The following RUSC2 variants were observed in gnomAD, a reference collection of about 807,000 sequenced individuals.
RUSC2 encodes AP-4 complex accessory subunit RUSC2.
In RUSC2, 34 loss-of-function variants were observed where a neutral mutation model predicts 122.2. The observed-to-expected ratio is 0.28, with a 90% CI of 0.21 to 0.37. The LOEUF is 0.37. RUSC2 is among the 10% of genes least tolerant of loss of function. The probability of loss-of-function intolerance (pLI) is 1.00; values close to 1 mark genes in which losing one functional copy is unlikely to be tolerated. For missense variants in RUSC2, 1,747 were observed against 1,952.4 expected (o/e 0.89, Z 1.98); for synonymous variants, 784 against 790.0 (o/e 0.99, Z 0.13).
chr9:35,513,188 G>GC (rs1821040175), intron 1 of RUSC2, among the ~76,000 whole-genome samples: 1 of 136,326 alleles, frequency 7.3e-6, no homozygotes, highest in Non-Finnish European at 1.6e-5. Flanking sequence ...ATTATACTTT[G>GC]TTTTGTTGTT....
chr9:35,561,830 G>GTC lies in RUSC2; in HGVS notation c.*450_*451dup, dbSNP rs1304451383. On this transcript the variant is annotated 3_prime_UTR_variant, in exon 12 of 12. Coordinates refer to ENST00000361226, the MANE Select transcript of RUSC2 (RefSeq NM_014806.5). Reference sequence around the variant, plus strand: ...CAGAAGAGGGAGGAGGAGCCCAGGCGTCTGTTTATGTATTTATTTATTTAT... The same window carrying GTC: ...CAGAAGAGGGAGGAGGAGCCCAGGCGTCTCTGTTTATGTATTTATTTATTTAT... 2 of 600,634 alleles carry GTC rather than the reference G, an allele frequency of 3.3e-6. No individual in the cohort carries two copies. The highest frequency in any genetic ancestry group is 5.9e-6 in the Non-Finnish European group (2 of 341,086). 37.2% of individuals were successfully genotyped at this position (600,634 alleles called of 1,614,324 possible). A position where few individuals can be genotyped will look rare whatever the true frequency, so the allele number is the denominator to read the frequency against.
At position 35,546,661 on chromosome 9, in the gene RUSC2, C is replaced by T. The variant is rs1280955193; in HGVS notation, c.140C>T (p.Pro47Leu). The T allele has an allele frequency of 1.3e-6, 2 of 1,571,932 alleles. No individual in the cohort carries two copies. Among genetic ancestry groups the T allele is most frequent in the East Asian group, 2.3e-5 (1 of 44,442 alleles). Residue 47 changes from proline (P) to leucine (L), a missense_variant, in exon 2 of 12, where the codon CCA becomes CTA. Physicochemically the swap from Pro to Leu is moderately conservative, Grantham distance 98. Transcript: ENST00000361226. This position sits in a 1 kb window ranked among gnomAD's most constrained non-coding sequence, Gnocchi z 4.3. ...GGSTRPNPFC[P>L]PELGITQPDQ... Reference sequence around the variant, plus strand: ...AGCACAAGACCTAATCCCTTCTGCCCACCTGAGCTGGGCATCACCCAGCCC... The same window carrying T: ...AGCACAAGACCTAATCCCTTCTGCCTACCTGAGCTGGGCATCACCCAGCCC...
At position 35,495,458 on chromosome 9, in the gene RUSC2, T is replaced by G. The variant is rs570009244; in HGVS notation, c.-93+5286T>G. Among the ~76,000 whole-genome samples the G allele has an allele frequency of 1.6e-3, 247 of 151,364 alleles. 1 individual carries two copies. Among genetic ancestry groups the G allele is most frequent in the Non-Finnish European group, 2.7e-3 (183 of 67,866 alleles). On this transcript the variant is annotated intron_variant, in intron 1 of 11. Coordinates refer to ENST00000361226, the MANE Select transcript of RUSC2 (RefSeq NM_014806.5). ...CCCCACTGAATGGTATTCACACCCT[T>G]GTCAAAACTCATCTGACCAGATATG...
At chr9:35,507,026 A>C (rs1165784661) in intron 1 of RUSC2, among the ~76,000 whole-genome samples, 1 of 152,074 alleles carries the variant, frequency 6.6e-6, no homozygotes, top group African/African-American at 2.4e-5. Flanking sequence ...GCGAGGTGGG[A>C]GGATCATTTG....
At position 35,556,191 on chromosome 9, in the gene RUSC2, A is replaced by G. The variant is rs1156938964; in HGVS notation, c.2842+54A>G. 11 of 1,603,116 alleles carry G rather than the reference A, an allele frequency of 6.9e-6. No homozygotes were observed. In the East Asian group the frequency reaches 2.5e-4, roughly 36 times the overall value. On this transcript the variant is annotated intron_variant, in intron 4 of 11. Coordinates refer to ENST00000361226, the MANE Select transcript of RUSC2 (RefSeq NM_014806.5). ...GGGGCAGGCTCTGCCATGGCTGGAA[A>G]GGGCTAGAGAAGGGGTCAGTCCCAA... is the stretch of plus-strand genomic sequence containing the variant.
At chr9:35,503,714 C>CCCAATAGCAT (rs1820861008) in intron 1 of RUSC2, among the ~76,000 whole-genome samples, 1 of 151,576 alleles carries the variant, frequency 6.6e-6, no homozygotes, top group Non-Finnish European at 1.5e-5. Flanking sequence ...AGTTTACATT[C>CCCAATAGCAT]CCAATAGCAG....
intron 1 of RUSC2, among the ~76,000 whole-genome samples, chr9:35,517,184 G>A (rs1273556566): frequency 1.3e-5 from 2 of 152,180 alleles, no homozygotes; most frequent in Non-Finnish European, 2.9e-5. Context: ...GGCTGCAGGA[G>A]GTTTGAACAT....
In RUSC2 at chr9:35,560,300, G is replaced by T. The variant is rs1263149617; in HGVS notation, c.3660G>T (p.Val1220=). 7 of 1,598,758 alleles carry T rather than the reference G, an allele frequency of 4.4e-6. No homozygotes were observed. Among genetic ancestry groups the T allele is most frequent in the Non-Finnish European group, 5.1e-6 (6 of 1,171,908 alleles). The change falls in exon 10 of 12, where the codon GTG becomes GTT. Residue 1220 remains valine, a synonymous_variant. Transcript: ENST00000361226. ...GGGGCCAGGAGGGCCCTGGAGACGT[G>T]GACAGGGCAGCCCAAGGGGAGCGGG... ...RARGQEGPGD[V]DRAAQGERVK...
rs1344835102 is a variant in RUSC2 at position 35,535,516 on chromosome 9, T to C, written c.-92-10914T>C. On this transcript the variant is annotated intron_variant, in intron 1 of 11. Transcript: ENST00000361226. ...AGTCTACCCACCACTTATTCTGATT[T>C]ACACACAAGGAGCTTCTCTTTTTTT... is the stretch of plus-strand genomic sequence containing the variant. 2.0e-5 allele frequency among the ~76,000 whole-genome samples: 3 copies of C among 151,330 alleles called. No individual in the cohort carries two copies. In the East Asian group the frequency reaches 5.8e-4, roughly 29 times the overall value.
intron 1 of RUSC2, among the ~76,000 whole-genome samples, chr9:35,492,975 T>C (rs560969909): frequency 6.6e-6 from 1 of 152,182 alleles, no homozygotes; most frequent in African/African-American, 2.4e-5. Context: ...ATGCCTTTTT[T>C]TGTTTTTTGG....
Position 35,547,488 on chromosome 9 carries a change from G to A in RUSC2, c.967G>A (p.Asp323Asn), listed in dbSNP as rs960277670. The stretch of plus-strand genomic sequence containing the variant: ...CTCAGACCCTGGCGCCTTCTATCTG[G>A]ATCTGCAGCCCTCCCCATTTGAGTC... ...SHSDPGAFYL[D>N]LQPSPFESKM... The change falls in exon 2 of 12, where the codon GAT becomes AAT. Residue 323 changes from aspartate (D) to asparagine (N), a missense_variant. Coordinates refer to ENST00000361226, the MANE Select transcript of RUSC2 (RefSeq NM_014806.5). This position sits in a 1 kb window ranked among gnomAD's most constrained non-coding sequence, Gnocchi z 4.6. The A allele has an allele frequency of 1.9e-6, 3 of 1,614,168 alleles. No individual in the cohort carries two copies. Among genetic ancestry groups the A allele is most frequent in the Admixed American group, 1.7e-5 (1 of 60,024 alleles).
In RUSC2 at chr9:35,547,414, A is replaced by G. The variant is rs759051098; in HGVS notation, c.893A>G (p.Asn298Ser). The G allele has an allele frequency of 5.6e-6, 9 of 1,614,040 alleles. No individual in the cohort carries two copies. The East Asian group carries it at 6.7e-5, about 12-fold the overall frequency. Reference protein sequence around the residue: ...YNKMHGTPRANLNSAPQSCSD... With the variant: ...YNKMHGTPRASLNSAPQSCSD... ...AAGATGCATGGCACCCCCCGTGCCAATCTCAACTCTGCCCCACAGTCCTGC... is the reference window on the plus strand; with the variant it reads ...AAGATGCATGGCACCCCCCGTGCCAGTCTCAACTCTGCCCCACAGTCCTGC... Residue 298 changes from asparagine (N) to serine (S), a missense_variant, in exon 2 of 12, where the codon AAT (asparagine) becomes AGT (serine). By Grantham distance (46) the Asn-to-Ser change is conservative (BLOSUM62 1). Transcript: ENST00000361226. This position sits in a 1 kb window ranked among gnomAD's most constrained non-coding sequence, Gnocchi z 4.6.
At chr9:35,518,053 G>A (rs1304027399) in intron 1 of RUSC2, among the ~76,000 whole-genome samples, 1 of 152,152 alleles carries the variant, frequency 6.6e-6, no homozygotes, top group East Asian at 1.9e-4. Context: ...ACTATCCTAG[G>A]CATGGGTAGT....
rs766611977 is a variant in RUSC2, at chr9:35,558,162, AG to A, written c.3061-30del. On this transcript the variant is annotated intron_variant, in intron 6 of 11. Coordinates refer to ENST00000361226, the MANE Select transcript of RUSC2 (RefSeq NM_014806.5). This position sits in a 1 kb window ranked among gnomAD's most constrained non-coding sequence, Gnocchi z 4.3. ...TACGAGAGGACCACAGTCAGGCCTG[AG>A]GGGGTTTCCTGCACTTCCCTACCAC... is the stretch of plus-strand genomic sequence containing the variant. 15 of 1,605,882 alleles carry A rather than the reference AG, an allele frequency of 9.3e-6. No homozygotes were observed. The East Asian group carries it at 3.1e-4, about 33-fold the overall frequency.
In RUSC2 at chr9:35,560,198, G is replaced by A. The variant is rs371767593; in HGVS notation, c.3558G>A (p.Arg1186=). 3.7e-6 allele frequency: 6 copies of A among 1,605,244 alleles called. No individual in the cohort carries two copies. The Admixed American group carries it at 6.7e-5, about 18-fold the overall frequency. ...HRLLQSGQQQ[R]QHKELLRVSQ... The stretch of plus-strand genomic sequence containing the variant: ...TGCTGCAAAGTGGGCAGCAGCAGCG[G>A]CAGCACAAGGAACTGCTGCGGGTGT... Residue 1186 remains arginine (R), a synonymous_variant, in exon 10 of 12, where the codon CGG becomes CGA. Transcript: ENST00000361226.
chr9:35,491,097 TA>T (rs11308191), intron 1 of RUSC2, among the ~76,000 whole-genome samples: 26,749 of 142,174 alleles, frequency 0.19, 2,739 homozygotes, highest in South Asian at 0.29. Flanking sequence ...ACACAGGCCT[TA>T]AAAAAAAAAA....
chr9:35,549,010 C>T (rs536528684), intron 2 of RUSC2: 6 of 926,300 alleles, frequency 6.5e-6, no homozygotes, highest in African/African-American at 1.8e-5. Context: ...CCAGCCTGGG[C>T]AGACAGAGTG....
rs1299350678 is a variant in RUSC2 at position 35,556,321 on chromosome 9, G to A, written c.2856G>A (p.Lys952=). Residue 952 remains lysine, a synonymous_variant, in exon 5 of 12, where the codon AAG becomes AAA. Transcript: ENST00000361226. ...LNCRLNGQAV[K]PLPLTCPDFQ... ...TCTTCTTTCCAGGCCAAGCAGTGAA[G>A]CCGTTACCACTGACCTGCCCTGACT... 6.2e-7 allele frequency: 1 copy of A among 1,614,172 alleles called. No homozygotes were observed. The highest frequency in any genetic ancestry group is 2.2e-5 in the East Asian group (1 of 44,878).
chr9:35,521,780 C>T (rs529193035), intron 1 of RUSC2, among the ~76,000 whole-genome samples: 1 of 152,386 alleles, frequency 6.6e-6, no homozygotes, highest in East Asian at 1.9e-4. Context: ...CCTTTCAACA[C>T]ACTCCCAGCA....
Sources: allele counts gnomAD v4.1 joint callset (sites outside exome capture counted in the v4.1 genomes callset), GRCh38; gene constraint gnomAD v4.1.1; non-coding constraint Gnocchi (gnomAD v3.1); transcripts MANE v1.5; gene names NCBI Gene and HGNC (gene_info 2026-07-23, HGNC 2026-07-21).